H1-4: variants seen among roughly 807,000 people sequenced by gnomAD.
H1-4 encodes the protein histone H1.4.
Under a neutral mutation model 7.2 loss-of-function variants are expected in H1-4, and 9 were observed. That is an observed-to-expected ratio of 1.25 (90% CI 0.75 to 2.18). The LOEUF (loss-of-function observed/expected upper bound fraction) is 2.18, where lower values mean the gene tolerates loss of function less well. H1-4 is among the 30% of genes most tolerant of loss of function. The pLI, the probability that H1-4 is intolerant of heterozygous loss-of-function variation, is 0.00. For synonymous variants in H1-4, 318 were observed against 126.6 expected (o/e 2.51, Z -10.15); for missense variants, 646 against 287.9 (o/e 2.24, Z -9.00).
In H1-4 at chr6:26,156,441, G is replaced by A. The variant is rs759075864; in HGVS notation, c.51G>A (p.Lys17=). ...AAPAAPAPAE[K]TPVKKKARKS... ...CCGCTGCTCCGGCCCCTGCCGAGAA[G>A]ACTCCCGTGAAGAAGAAGGCCCGCA... The change falls in exon 1 of 1, where the codon AAG becomes AAA. Residue 17 remains lysine (K), a synonymous_variant. Transcript: ENST00000304218. 4.5e-5 allele frequency: 73 copies of A among 1,609,028 alleles called. No individual in the cohort carries two copies. The highest frequency in any genetic ancestry group is 2.0e-4 in the Admixed American group (12 of 59,414).
chr6:26,156,932 CA>C lies in H1-4; in HGVS notation c.548del (p.Lys183ArgfsTer46). 3 of 1,611,994 alleles carry C rather than the reference CA, an allele frequency of 1.9e-6. No individual in the cohort carries two copies. Among genetic ancestry groups the C allele is most frequent in the Non-Finnish European group, 2.5e-6 (3 of 1,179,730 alleles). ...CCGAAAAAGGCGAAAGCAGCCAAGC[CA>C]AAAAAGGCGCCCAAGAGCCCAGCGA... ...KSPKKAKAAK[P>X]KKAPKSPAKA... On this transcript the variant is annotated frameshift_variant, in exon 1 of 1. Coordinates refer to ENST00000304218, the MANE Select transcript of H1-4 (RefSeq NM_005321.3). LOFTEE classifies it high-confidence loss of function.
At position 26,156,563 on chromosome 6, in the gene H1-4, C is replaced by T. The variant is rs1764177093; in HGVS notation, c.173C>T (p.Ser58Phe). Residue 58 changes from serine to phenylalanine, a missense_variant, in exon 1 of 1, where the codon TCT becomes TTT. By Grantham distance (155) the Ser-to-Phe change is radical (BLOSUM62 -2). Coordinates refer to ENST00000304218, the MANE Select transcript of H1-4 (RefSeq NM_005321.3). Reference protein sequence around the residue: ...VAASKERSGVSLAALKKALAA... With the variant: ...VAASKERSGVFLAALKKALAA... Reference sequence around the variant, plus strand: ...GCCTCCAAGGAGCGCAGCGGCGTATCTTTGGCCGCTCTCAAGAAAGCGCTG... The same window carrying T: ...GCCTCCAAGGAGCGCAGCGGCGTATTTTTGGCCGCTCTCAAGAAAGCGCTG... 1.2e-6 allele frequency: 2 copies of T among 1,614,174 alleles called. No homozygotes were observed. Among genetic ancestry groups the T allele is most frequent in the East Asian group, 2.2e-5 (1 of 44,870 alleles).
Position 26,156,386 on chromosome 6 carries a change from T to A in H1-4, c.-5T>A. On this transcript the variant is annotated 5_prime_UTR_variant, in exon 1 of 1. Coordinates refer to ENST00000304218, the MANE Select transcript of H1-4 (RefSeq NM_005321.3). ...GAATTGCTCTCGCTCACGCTTGCCT[T>A]CAACATGTCCGAGACTGCGCCTGCC... 1 of 1,560,196 alleles carries A rather than the reference T, an allele frequency of 6.4e-7. No individual in the cohort carries two copies. Among genetic ancestry groups the A allele is most frequent in the Non-Finnish European group, 8.7e-7 (1 of 1,155,806 alleles).
In H1-4 at chr6:26,156,479, C is replaced by G. The variant is rs748838528; in HGVS notation, c.89C>G (p.Ala30Gly). 5.0e-6 allele frequency: 8 copies of G among 1,613,190 alleles called. No homozygotes were observed. In the Admixed American group the frequency reaches 8.3e-5, roughly 17 times the overall value. Residue 30 changes from alanine (A) to glycine (G), a missense_variant, in exon 1 of 1, where the codon GCG (alanine) becomes GGG (glycine). Ala to Gly is a moderately conservative substitution (Grantham distance 60). Transcript: ENST00000304218. ...VKKKARKSAG[A>G]AKRKASGPPV... ...AAGAAGGCCCGCAAGTCTGCAGGTG[C>G]GGCCAAGCGCAAAGCGTCTGGGCCC...
chr6:26,156,610 GAGA>G lies in H1-4; in HGVS notation c.225_227del (p.Lys75del), dbSNP rs1764180081. ...GCTGGCAGCCGCTGGCTATGACGTGGAGAAGAACAACAGCCGCATCAAGCTGGG... is the reference window on the plus strand; with the variant it reads ...GCTGGCAGCCGCTGGCTATGACGTGGAGAACAACAGCCGCATCAAGCTGGG... On this transcript the variant is annotated inframe_deletion, in exon 1 of 1. Transcript: ENST00000304218. The G allele has an allele frequency of 1.9e-6, 3 of 1,614,248 alleles. No homozygotes were observed. The highest frequency in any genetic ancestry group is 1.7e-6 in the Non-Finnish European group (2 of 1,180,050).
Position 26,156,377 on chromosome 6 carries a change from C to G in H1-4, c.-14C>G, listed in dbSNP as rs747063072. 1.3e-6 allele frequency: 2 copies of G among 1,544,636 alleles called. No individual in the cohort carries two copies. Among genetic ancestry groups the G allele is most frequent in the Non-Finnish European group, 1.7e-6 (2 of 1,149,942 alleles). ...TTCCGGCTCGAATTGCTCTCGCTCA[C>G]GCTTGCCTTCAACATGTCCGAGACT... On this transcript the variant is annotated 5_prime_UTR_variant, in exon 1 of 1. Coordinates refer to ENST00000304218, the MANE Select transcript of H1-4 (RefSeq NM_005321.3).
Position 26,156,355 on chromosome 6 carries a change from C to T in H1-4, c.-36C>T, listed in dbSNP as rs751070469. ...GAGTCCCGGCCAGTGCCTCTGCTTC[C>T]GGCTCGAATTGCTCTCGCTCACGCT... On this transcript the variant is annotated 5_prime_UTR_variant, in exon 1 of 1. Coordinates refer to ENST00000304218, the MANE Select transcript of H1-4 (RefSeq NM_005321.3). 16 of 1,514,398 alleles carry T rather than the reference C, an allele frequency of 1.1e-5. No individual in the cohort carries two copies. The highest frequency in any genetic ancestry group is 2.8e-5 in the African/African-American group (2 of 71,950). 93.8% of individuals were successfully genotyped at this position (1,514,398 alleles called of 1,614,324 possible).
Position 26,157,112 on chromosome 6 carries a change from C to A in H1-4, c.*62C>A. ...AACCCAAAGGCTCTTTTCAGAGCCA[C>A]CCACCGCTCTCAGTAAAAGAGCTGT... On this transcript the variant is annotated 3_prime_UTR_variant, in exon 1 of 1. Transcript: ENST00000304218. 1 of 1,536,034 alleles carries A rather than the reference C, an allele frequency of 6.5e-7. No individual in the cohort carries two copies. Among genetic ancestry groups the A allele is most frequent in the Non-Finnish European group, 8.7e-7 (1 of 1,149,608 alleles).
In H1-4 at chr6:26,157,057, C is replaced by A. The variant is rs180689380; in HGVS notation, c.*7C>A. 3 of 1,578,572 alleles carry A rather than the reference C, an allele frequency of 1.9e-6. No individual in the cohort carries two copies. Among genetic ancestry groups the A allele is most frequent in the Middle Eastern group, 1.8e-4 (1 of 5,690 alleles). On this transcript the variant is annotated 3_prime_UTR_variant, in exon 1 of 1. Transcript: ENST00000304218. ...GGCAGCCAAGAAAAAGTAGAAAGTT[C>A]CTTTGGCCAACTGCTTAGAAGCCCA...
In H1-4 at chr6:26,156,989, A is replaced by C. The variant is rs781732924; in HGVS notation, c.599A>C (p.Lys200Thr). Residue 200 changes from lysine (K) to threonine (T), a missense_variant, in exon 1 of 1, where the codon AAA becomes ACA. Physicochemically the swap from Lys to Thr is moderately conservative, Grantham distance 78. Coordinates refer to ENST00000304218, the MANE Select transcript of H1-4 (RefSeq NM_005321.3). The stretch of plus-strand genomic sequence containing the variant: ...AAAGCAGTTAAACCCAAGGCGGCTA[A>C]ACCAAAGACCGCCAAGCCCAAGGCA... ...KAKAVKPKAA[K>T]PKTAKPKAAK... The C allele has an allele frequency of 6.2e-7, 1 of 1,605,096 alleles. No homozygotes were observed. The highest frequency in any genetic ancestry group is 2.2e-5 in the East Asian group (1 of 44,852).
rs762056816 is a variant in H1-4 at position 26,156,543 on chromosome 6, C to T, written c.153C>T (p.Ser51=). ...SELITKAVAA[S]KERSGVSLAA... is the part of the protein sequence containing the mutation. ...TCATTACTAAAGCTGTTGCCGCCTC[C>T]AAGGAGCGCAGCGGCGTATCTTTGG... The change falls in exon 1 of 1, where the codon TCC becomes TCT. Residue 51 remains serine, a synonymous_variant. Transcript: ENST00000304218. 1.7e-5 allele frequency: 28 copies of T among 1,614,022 alleles called. No homozygotes were observed. Among genetic ancestry groups the T allele is most frequent in the Admixed American group, 1.0e-4 (6 of 60,006 alleles).
At position 26,156,757 on chromosome 6, in the gene H1-4, G is replaced by T. The variant is rs199659170; in HGVS notation, c.367G>T (p.Ala123Ser). The change falls in exon 1 of 1, where the codon GCA becomes TCA. Residue 123 changes from alanine (A) to serine (S), a missense_variant. By Grantham distance (99) the Ala-to-Ser change is moderately conservative. Coordinates refer to ENST00000304218, the MANE Select transcript of H1-4 (RefSeq NM_005321.3). Reference sequence around the variant, plus strand: ...GGAAGCCAAGCCTAAGGCTAAAAAGGCAGGCGCGGCCAAGGCCAAGAAGCC... The same window carrying T: ...GGAAGCCAAGCCTAAGGCTAAAAAGTCAGGCGCGGCCAAGGCCAAGAAGCC... ...SGEAKPKAKKAGAAKAKKPAG... is the reference protein window; with the variant it reads ...SGEAKPKAKKSGAAKAKKPAG... 1 of 1,613,808 alleles carries T rather than the reference G, an allele frequency of 6.2e-7. No individual in the cohort carries two copies. Among genetic ancestry groups the T allele is most frequent in the African/African-American group, 1.3e-5 (1 of 75,038 alleles).
In H1-4 at chr6:26,156,840, C is replaced by A; in HGVS notation, c.450C>A (p.Ser150Arg). 1.2e-6 allele frequency: 2 copies of A among 1,606,236 alleles called. No homozygotes were observed. The highest frequency in any genetic ancestry group is 8.5e-7 in the Non-Finnish European group (1 of 1,176,894). The change falls in exon 1 of 1, where the codon AGC becomes AGA. Residue 150 changes from serine to arginine, a missense_variant. By Grantham distance (110) the Ser-to-Arg change is moderately radical. Coordinates refer to ENST00000304218, the MANE Select transcript of H1-4 (RefSeq NM_005321.3). ...CGGGGGCGGCCACCCCCAAGAAGAG[C>A]GCCAAGAAGACCCCAAAGAAGGCGA... The part of the protein sequence containing the change: ...KATGAATPKK[S>R]AKKTPKKAKK...
Position 26,156,621 on chromosome 6 carries a change from C to T in H1-4, c.231C>T (p.Asn77=), listed in dbSNP as rs763839151. The T allele has an allele frequency of 4.3e-6, 7 of 1,614,238 alleles. No individual in the cohort carries two copies. The highest frequency in any genetic ancestry group is 1.3e-5 in the African/African-American group (1 of 75,064). ...AAAGYDVEKN[N]SRIKLGLKSL... ...CTGGCTATGACGTGGAGAAGAACAA[C>T]AGCCGCATCAAGCTGGGTCTCAAGA... Residue 77 remains asparagine (N), a synonymous_variant, in exon 1 of 1, where the codon AAC becomes AAT. Coordinates refer to ENST00000304218, the MANE Select transcript of H1-4 (RefSeq NM_005321.3).
chr6:26,156,816 G>T lies in H1-4; in HGVS notation c.426G>T (p.Thr142=). 1 of 1,607,540 alleles carries T rather than the reference G, an allele frequency of 6.2e-7. No homozygotes were observed. The highest frequency in any genetic ancestry group is 8.5e-7 in the Non-Finnish European group (1 of 1,177,080). Reference sequence around the variant, plus strand: ...CGGCGAAGAAGCCCAAGAAGGCGACGGGGGCGGCCACCCCCAAGAAGAGCG... The same window carrying T: ...CGGCGAAGAAGCCCAAGAAGGCGACTGGGGCGGCCACCCCCAAGAAGAGCG... ...AGAAKKPKKA[T]GAATPKKSAK... The change falls in exon 1 of 1, where the codon ACG becomes ACT. Residue 142 remains threonine, a synonymous_variant. Coordinates refer to ENST00000304218, the MANE Select transcript of H1-4 (RefSeq NM_005321.3).
Position 26,156,844 on chromosome 6 carries a change from A to C in H1-4, c.454A>C (p.Lys152Gln), listed in dbSNP as rs762107912. Residue 152 changes from lysine (K) to glutamine (Q), a missense_variant, in exon 1 of 1, where the codon AAG (lysine) becomes CAG (glutamine). Lys to Gln is a moderately conservative substitution (Grantham distance 53, BLOSUM62 1). Transcript: ENST00000304218. ...GGCGGCCACCCCCAAGAAGAGCGCC[A>C]AGAAGACCCCAAAGAAGGCGAAGAA... Reference protein sequence around the residue: ...TGAATPKKSAKKTPKKAKKPA... With the variant: ...TGAATPKKSAQKTPKKAKKPA... 8.1e-6 allele frequency: 13 copies of C among 1,607,110 alleles called. No individual in the cohort carries two copies. The African/African-American group carries it at 1.5e-4, about 18-fold the overall frequency.
At position 26,156,736 on chromosome 6, in the gene H1-4, G is replaced by A. The variant is rs1442114457; in HGVS notation, c.346G>A (p.Ala116Thr). 14 of 1,613,958 alleles carry A rather than the reference G, an allele frequency of 8.7e-6. No homozygotes were observed. Among genetic ancestry groups the A allele is most frequent in the South Asian group, 1.1e-5 (1 of 91,078 alleles). ...KLNKKAASGE[A>T]KPKAKKAGAA... is the part of the protein sequence containing the mutation. ...CAACAAGAAGGCGGCCTCTGGGGAAGCCAAGCCTAAGGCTAAAAAGGCAGG... is the reference window on the plus strand; with the variant it reads ...CAACAAGAAGGCGGCCTCTGGGGAAACCAAGCCTAAGGCTAAAAAGGCAGG... Residue 116 changes from alanine to threonine, a missense_variant, in exon 1 of 1, where the codon GCC becomes ACC. Coordinates refer to ENST00000304218, the MANE Select transcript of H1-4 (RefSeq NM_005321.3).
chr6:26,157,091 C>G lies in H1-4; in HGVS notation c.*41C>G, dbSNP rs768641458. The G allele has an allele frequency of 1.3e-6, 2 of 1,557,432 alleles. No individual in the cohort carries two copies. Among genetic ancestry groups the G allele is most frequent in the Non-Finnish European group, 1.7e-6 (2 of 1,161,332 alleles). On this transcript the variant is annotated 3_prime_UTR_variant, in exon 1 of 1. Coordinates refer to ENST00000304218, the MANE Select transcript of H1-4 (RefSeq NM_005321.3). ...AACTGCTTAGAAGCCCAACACAACC[C>G]AAAGGCTCTTTTCAGAGCCACCCAC...
rs371530012 is a variant in H1-4 at position 26,156,411 on chromosome 6, C to T, written c.21C>T (p.Ala7=). 1.4e-5 allele frequency: 23 copies of T among 1,589,008 alleles called. No homozygotes were observed. Among genetic ancestry groups the T allele is most frequent in the African/African-American group, 5.4e-5 (4 of 73,850 alleles). MSETAP[A]APAAPAPAEK... Reference sequence around the variant, plus strand: ...TCAACATGTCCGAGACTGCGCCTGCCGCGCCCGCTGCTCCGGCCCCTGCCG... The same window carrying T: ...TCAACATGTCCGAGACTGCGCCTGCTGCGCCCGCTGCTCCGGCCCCTGCCG... Residue 7 remains alanine, a synonymous_variant, in exon 1 of 1, where the codon GCC becomes GCT. Transcript: ENST00000304218.
Sources: allele counts gnomAD v4.1 joint callset, GRCh38; gene constraint gnomAD v4.1.1; transcripts MANE v1.5; gene names NCBI Gene and HGNC (gene_info 2026-07-23, HGNC 2026-07-21).